CSMD1: variants seen among roughly 807,000 people sequenced by gnomAD.
The protein encoded by CSMD1 is CUB and Sushi multiple domains 1.
In CSMD1, 213 loss-of-function variants were observed where a neutral mutation model predicts 417.5. The observed-to-expected ratio is 0.51, with a 90% CI of 0.46 to 0.57. CSMD1 has a LOEUF of 0.57. Among genes scored for constraint, CSMD1 ranks in the 20% least tolerant of loss-of-function variants. CSMD1 has a pLI of 0.00. For synonymous variants in CSMD1, 2,862 were observed against 1,736.8 expected, an observed-to-expected ratio of 1.65 and a Z score of -16.11; for missense variants, 6,923 against 4,529.7, an observed-to-expected ratio of 1.53 and a Z score of -15.17.
intron 3 of CSMD1, among the ~76,000 whole-genome samples, chr8:4,150,189 G>C (rs1410611476): frequency 6.6e-6 from 1 of 152,194 alleles, no homozygotes; most frequent in Non-Finnish European, 1.5e-5. Context: ...TGAGGCATCT[G>C]TCTTGTAGTC....
At chr8:3,241,455 C>A (rs1031234556) in intron 26 of CSMD1, among the ~76,000 whole-genome samples, 1 of 152,050 alleles carries the variant, frequency 6.6e-6, no homozygotes, top group African/African-American at 2.4e-5. Flanking sequence ...ACAGGGCTTC[C>A]GAGGTGATCT....
intron 21 of CSMD1, 120 bp from the exon 22 acceptor site, chr8:3,348,281 A>G (rs1808148624): frequency 5.8e-6 from 4 of 687,158 alleles, no homozygotes; most frequent in South Asian, 2.0e-5. Context: ...TGTTAGTAAT[A>G]TATTATTTCA....
At chr8:4,341,678 G>T (rs748052220) in intron 3 of CSMD1, among the ~76,000 whole-genome samples, 1 of 152,096 alleles carries the variant, frequency 6.6e-6, no homozygotes, top group Non-Finnish European at 1.5e-5. Flanking sequence ...GCAAAGCGAC[G>T]CAGTCAAGAT....
chr8:4,084,683 C>G (rs935133345), intron 3 of CSMD1, among the ~76,000 whole-genome samples: 1 of 151,990 alleles, frequency 6.6e-6, no homozygotes, highest in South Asian at 2.1e-4. Flanking sequence ...AAAGCACTAG[C>G]AATAGAGGCA....
intron 55 of CSMD1, 108 bp from the exon 56 acceptor site, chr8:2,974,732 A>C (rs1804775262): frequency 7.6e-6 from 5 of 654,204 alleles, no homozygotes; most frequent in African/African-American, 7.4e-5. Context: ...TTAAAGAAAA[A>C]CACCTAAATA....
At chr8:4,893,801 G>C (rs1461737461) in intron 1 of CSMD1, among the ~76,000 whole-genome samples, 1 of 152,046 alleles carries the variant, frequency 6.6e-6, no homozygotes, top group Non-Finnish European at 1.5e-5. Context: ...AGATTCCAAT[G>C]TCTTTTTAGC....
intron 1 of CSMD1, among the ~76,000 whole-genome samples, chr8:4,746,351 G>A (rs1738738475): frequency 6.6e-6 from 1 of 152,112 alleles, no homozygotes; most frequent in South Asian, 2.1e-4. Flanking sequence ...GGGGTTCAAG[G>A]GCTATGGTTT....
In CSMD1 at chr8:3,407,915, G is replaced by A; in HGVS notation, c.2055C>T (p.Phe685=). ...CGTACTTACTGGTGTAAGTGATGTT[G>A]AACCCTCTGCCAGTAGTGGAATGGT... ...QSDHSTTGRG[F]NITYTTFGQN... Residue 685 remains phenylalanine (F), a synonymous_variant, in exon 14 of 70, where the codon TTC becomes TTT. Transcript: ENST00000635120. 1 of 1,610,410 alleles carries A rather than the reference G, an allele frequency of 6.2e-7. No individual in the cohort carries two copies. The highest frequency in any genetic ancestry group is 8.5e-7 in the Non-Finnish European group (1 of 1,177,496).
chr8:3,652,738 G>A (rs1797920920), intron 7 of CSMD1, among the ~76,000 whole-genome samples: 1 of 152,140 alleles, frequency 6.6e-6, no homozygotes, highest in African/African-American at 2.4e-5. Context: ...CCTAACAAGT[G>A]GGGATTATTA....
At chr8:4,390,094 A>T (rs74536186) in intron 3 of CSMD1, among the ~76,000 whole-genome samples, 5 of 152,318 alleles carry the variant, frequency 3.3e-5, no homozygotes, top group African/African-American at 1.2e-4. Flanking sequence ...GCATTCTCCT[A>T]AACATTTGGT....
intron 43 of CSMD1, among the ~76,000 whole-genome samples, chr8:3,109,741 C>T (rs1265658933): frequency 6.6e-6 from 1 of 151,944 alleles, no homozygotes; most frequent in Non-Finnish European, 1.5e-5. Context: ...CCACACCACA[C>T]ACAACACGCA....
intron 3 of CSMD1, among the ~76,000 whole-genome samples, chr8:4,295,750 G>GTATATA (rs756556655): frequency 8.8e-5 from 3 of 34,230 alleles, no homozygotes; most frequent in Non-Finnish European, 1.5e-4. Context: ...ATGTGTGTGT[G>GTATATA]TATATATATA....
intron 5 of CSMD1, among the ~76,000 whole-genome samples, chr8:3,915,405 C>CAAAAAAA (rs778981187): frequency 6.6e-5 from 5 of 76,284 alleles, no homozygotes; most frequent in African/African-American, 1.8e-4. Context: ...GACTCTGTCT[C>CAAAAAAA]AAAAAAAAAA....
At chr8:4,563,257 C>T (rs539652951) in intron 2 of CSMD1, among the ~76,000 whole-genome samples, 1 of 152,102 alleles carries the variant, frequency 6.6e-6, no homozygotes, top group African/African-American at 2.4e-5. Context: ...AAAAATTAGC[C>T]GGACATGGTG....
chr8:4,550,576 A>G (rs1797825592), intron 2 of CSMD1, among the ~76,000 whole-genome samples: 1 of 152,162 alleles, frequency 6.6e-6, no homozygotes, highest in Non-Finnish European at 1.5e-5. Context: ...TTTTTTAAAA[A>G]CCAGAAAACA....
intron 4 of CSMD1, among the ~76,000 whole-genome samples, chr8:4,008,449 G>A (rs993783438): frequency 6.6e-6 from 1 of 151,454 alleles, no homozygotes; most frequent in African/African-American, 2.4e-5. Context: ...TTTGGTGACA[G>A]AATTAAATAA....
At chr8:3,030,967 CTAATT>C (rs954978718) in intron 50 of CSMD1, among the ~76,000 whole-genome samples, 8 of 151,854 alleles carry the variant, frequency 5.3e-5, no homozygotes, top group African/African-American at 1.2e-4. Flanking sequence ...AGAAAAATTG[CTAATT>C]TAAAAGTAAT....
chr8:3,962,797 C>A (rs575763871), intron 5 of CSMD1, among the ~76,000 whole-genome samples: 41 of 152,258 alleles, frequency 2.7e-4, no homozygotes, highest in Middle Eastern at 3.4e-3. Context: ...TTTTTAAAAA[C>A]ATTGAGGGCA....
chr8:4,001,948 T>C (rs769034349), intron 4 of CSMD1, among the ~76,000 whole-genome samples: 2 of 152,148 alleles, frequency 1.3e-5, no homozygotes, highest in Non-Finnish European at 2.9e-5. Context: ...AGTAGATATG[T>C]TAATGTCCAT....
Sources: allele counts gnomAD v4.1 joint callset (sites outside exome capture counted in the v4.1 genomes callset), GRCh38; gene constraint gnomAD v4.1.1; transcripts MANE v1.5; gene names NCBI Gene and HGNC (gene_info 2026-07-23, HGNC 2026-07-21).